ANKS1A: variants seen among roughly 807,000 people sequenced by gnomAD.
The protein encoded by ANKS1A is ankyrin repeat and SAM domain-containing protein 1A.
Under a neutral mutation model 120.3 loss-of-function variants are expected in ANKS1A, and 55 were observed. That is an observed-to-expected ratio of 0.46 (90% CI 0.37 to 0.57). The LOEUF (loss-of-function observed/expected upper bound fraction) is 0.57. ANKS1A is among the 20% of genes least tolerant of loss of function. The probability of loss-of-function intolerance (pLI) is 0.00; values close to 1 mark genes in which losing one functional copy is unlikely to be tolerated. For synonymous variants in ANKS1A, 590 were observed against 604.7 expected, an observed-to-expected ratio of 0.98 and a Z score of 0.36; for missense variants, 1,123 against 1,480.3, an observed-to-expected ratio of 0.76 and a Z score of 3.96.
At chr6:35,094,550 T>G (rs551542962), downstream of ANKS1A, among the ~76,000 whole-genome samples, 1 of 151,592 alleles carries the variant, frequency 6.6e-6, no homozygotes, top group East Asian at 1.9e-4. Flanking sequence ...ATAAACACAC[T>G]TGTAGCAAAA....
At chr6:34,968,429 G>A (rs751330156) in intron 2 of ANKS1A, among the ~76,000 whole-genome samples, 21 of 151,888 alleles carry the variant, frequency 1.4e-4, no homozygotes, top group East Asian at 1.9e-4. Flanking sequence ...CAGCAGTGTC[G>A]TTTTTTTGTT....
chr6:34,945,511 G>A (rs1769746101), intron 1 of ANKS1A, among the ~76,000 whole-genome samples: 1 of 152,174 alleles, frequency 6.6e-6, no homozygotes, highest in African/African-American at 2.4e-5. Flanking sequence ...ATTGGCCTTT[G>A]CTCCTTTGTC....
At chr6:34,929,759 C>A (rs1395101811) in intron 1 of ANKS1A, among the ~76,000 whole-genome samples, 3 of 150,930 alleles carry the variant, frequency 2.0e-5, no homozygotes, top group Admixed American at 6.6e-5. Context: ...TCTCTTCCTC[C>A]CCTTCTCCTT....
downstream of ANKS1A, among the ~76,000 whole-genome samples, chr6:35,095,608 GAAACAACAAA>G (rs974069885): frequency 3.7e-5 from 3 of 81,188 alleles, no homozygotes; most frequent in East Asian, 3.6e-4. Context: ...AAGAAAGAGA[GAAACAACAAA>G]AAACAACAAA....
At position 35,059,814 on chromosome 6, in the gene ANKS1A, G is replaced by T. The variant is rs530206316; in HGVS notation, c.2078-333G>T. The stretch of plus-strand genomic sequence containing the variant: ...CACGCTGATGAGGAGTTGACCTGGA[G>T]ACTGTTGGGATTTGGCTTCCCCCAC... On this transcript the variant is annotated intron_variant, in intron 12 of 23. Transcript: ENST00000360359. Among the ~76,000 whole-genome samples the T allele has an allele frequency of 1.9e-4, 29 of 152,280 alleles. No individual in the cohort carries two copies. In the South Asian group the frequency reaches 5.0e-3, roughly 26 times the overall value.
intron 1 of ANKS1A, among the ~76,000 whole-genome samples, chr6:34,931,691 A>T (rs908849854): frequency 6.6e-6 from 1 of 152,154 alleles, no homozygotes; most frequent in Non-Finnish European, 1.5e-5. Flanking sequence ...GTCTAGGGCA[A>T]GGGAGGAAGC....
chr6:35,088,368 G>T (rs1778107612), intron 23 of ANKS1A, among the ~76,000 whole-genome samples: 1 of 152,178 alleles, frequency 6.6e-6, no homozygotes, highest in African/African-American at 2.4e-5. Context: ...CAAAACCCAA[G>T]TCGATAAACT....
rs1766683315 is a variant in ANKS1A, at chr6:34,889,524, G to T, written c.122G>T (p.Gly41Val). 4.7e-6 allele frequency: 6 copies of T among 1,273,728 alleles called. No homozygotes were observed. Among genetic ancestry groups the T allele is most frequent in the Non-Finnish European group, 3.9e-6 (4 of 1,020,376 alleles). 78.9% of individuals were successfully genotyped at this position (1,273,728 alleles called of 1,614,324 possible). ...GGGGGCGGCGGCGGCGGTGGCTCTG[G>T]GGGCGGCGGCGGCGGCAGCGGCGGC... The part of the protein sequence containing the change: ...GFGGGGGGGS[G>V]GGGGGSGGGG... The change falls in exon 1 of 24, where the codon GGG (glycine) becomes GTG (valine). Residue 41 changes from glycine to valine, a missense_variant. Gly to Val is a moderately radical substitution (Grantham distance 109). Transcript: ENST00000360359. This position sits in a 1 kb window ranked among gnomAD's most constrained non-coding sequence, Gnocchi z 5.5.
At chr6:34,931,903 T>G (rs1304188479) in intron 1 of ANKS1A, among the ~76,000 whole-genome samples, 1 of 152,246 alleles carries the variant, frequency 6.6e-6, no homozygotes, top group Non-Finnish European at 1.5e-5. Flanking sequence ...AACGTGTGAT[T>G]ATTCCTTTCA....
In ANKS1A at chr6:34,945,102, G is replaced by T. The variant is rs114147063; in HGVS notation, c.198-22137G>T. Among the ~76,000 whole-genome samples, 1,154 of 152,114 alleles carry T rather than the reference G, an allele frequency of 7.6e-3. 18 individuals are homozygous for T. Among genetic ancestry groups the T allele is most frequent in the African/African-American group, 0.024 (992 of 41,474 alleles). On this transcript the variant is annotated intron_variant, in intron 1 of 23. Coordinates refer to ENST00000360359, the MANE Select transcript of ANKS1A (RefSeq NM_015245.3). ...ATTTTATTTTATTATTTGAAATAGG[G>T]TCTTACTCTGTCACCCAGGCTGGAA...
chr6:34,986,588 G>GAT (rs1177540261), intron 8 of ANKS1A, among the ~76,000 whole-genome samples: 1 of 152,222 alleles, frequency 6.6e-6, no homozygotes, highest in Non-Finnish European at 1.5e-5. Context: ...TTTGGCTGCA[G>GAT]ATAACTCTTG....
In ANKS1A at chr6:35,088,695, A is replaced by C; in HGVS notation, c.*86A>C. On this transcript the variant is annotated 3_prime_UTR_variant, in exon 24 of 24. Coordinates refer to ENST00000360359, the MANE Select transcript of ANKS1A (RefSeq NM_015245.3). ...CCACCACCGCCATCGCCTCACCTGC[A>C]GCTCTGAAGACCCAGGCCTCACCTC... 1 of 1,612,930 alleles carries C rather than the reference A, an allele frequency of 6.2e-7. No homozygotes were observed. Among genetic ancestry groups the C allele is most frequent in the Non-Finnish European group, 8.5e-7 (1 of 1,179,360 alleles).
intron 1 of ANKS1A, among the ~76,000 whole-genome samples, chr6:34,944,209 C>T (rs886288760): frequency 4.0e-5 from 6 of 151,762 alleles, no homozygotes; most frequent in African/African-American, 4.8e-5. Flanking sequence ...ACCTGGGAGG[C>T]GGAGCTTGCA....
chr6:34,973,842 C>A (rs1487172808), intron 3 of ANKS1A, among the ~76,000 whole-genome samples: 1 of 114,404 alleles, frequency 8.7e-6, no homozygotes, highest in Admixed American at 8.4e-5. Context: ...CTTCCCCTTC[C>A]CTTCCCCTTC....
In ANKS1A at chr6:34,913,417, C is replaced by T. The variant is rs545557227; in HGVS notation, c.197+23818C>T. 2.6e-5 allele frequency among the ~76,000 whole-genome samples: 4 copies of T among 152,154 alleles called. No individual in the cohort carries two copies. The East Asian group carries it at 5.8e-4, about 22-fold the overall frequency. On this transcript the variant is annotated intron_variant, in intron 1 of 23. Transcript: ENST00000360359. ...TCATAGCCCTCTGCAGCCTTGACTT[C>T]CCAGGCTCAAGCAATCCTCTGGCCT... is the stretch of plus-strand genomic sequence containing the variant.
intron 11 of ANKS1A, among the ~76,000 whole-genome samples, chr6:35,043,911 G>A (rs1308402642): frequency 6.6e-6 from 1 of 152,122 alleles, no homozygotes; most frequent in Non-Finnish European, 1.5e-5. Flanking sequence ...ATTTCTTTTG[G>A]AATTTTTTAC....
intron 9 of ANKS1A, among the ~76,000 whole-genome samples, chr6:34,990,485 C>A (rs987782510): frequency 1.7e-5 from 2 of 119,212 alleles, no homozygotes; most frequent in African/African-American, 5.8e-5. Context: ...TCTCATTACC[C>A]CCCTCCTTTT....
chr6:35,080,878 T>C, intron 16 of ANKS1A, 116 bp from the exon 17 acceptor site: 1 of 1,327,482 alleles, frequency 7.5e-7, no homozygotes, highest in Non-Finnish European at 1.0e-6. Context: ...CTTCGCTCCC[T>C]GCTGCTTCTC....
chr6:35,080,625 A>G (rs981809422), intron 16 of ANKS1A, among the ~76,000 whole-genome samples: 1 of 152,226 alleles, frequency 6.6e-6, no homozygotes, highest in Non-Finnish European at 1.5e-5. Flanking sequence ...ACATTCAGAT[A>G]TAGACACTGA....
Sources: allele counts gnomAD v4.1 joint callset (sites outside exome capture counted in the v4.1 genomes callset), GRCh38; gene constraint gnomAD v4.1.1; non-coding constraint Gnocchi (gnomAD v3.1); transcripts MANE v1.5; gene names NCBI Gene and HGNC (gene_info 2026-07-23, HGNC 2026-07-21).